The following DUS2 variants were observed in gnomAD, a reference collection of about 807,000 sequenced individuals.
The protein encoded by DUS2 is dihydrouridine synthase 2, also known as tRNA-dihydrouridine(20) synthase [NAD(P)+]-like.
In DUS2, 52 loss-of-function variants were observed where a neutral mutation model predicts 71.3. The ratio of observed to expected loss-of-function variants is 0.73; its 90% CI spans 0.58 to 0.92. DUS2 has a LOEUF of 0.92. Ranked by LOEUF, DUS2 falls within the 40% of genes least tolerant of loss-of-function variation. The pLI, the probability that DUS2 is intolerant of heterozygous loss-of-function variation, is 0.00. For missense variants in DUS2, 558 were observed against 622.6 expected, an observed-to-expected ratio of 0.90 and a Z score of 1.10; for synonymous variants, 204 against 227.8, an observed-to-expected ratio of 0.90 and a Z score of 0.94.
At chr16:68,054,508 G>T (rs1313273803) in intron 5 of DUS2, 66 bp from the exon 6 acceptor site, 123 of 1,551,718 alleles carry the variant, frequency 7.9e-5, no homozygotes, top group Non-Finnish European at 1.0e-4. Context: ...TGCTGCATGG[G>T]TGTGTTTGTC....
At chr16:68,046,477 C>T (rs766572919) in intron 3 of DUS2, among the ~76,000 whole-genome samples, 5 of 151,956 alleles carry the variant, frequency 3.3e-5, no homozygotes, top group Non-Finnish European at 7.4e-5. Context: ...CTCCCAGGTT[C>T]AAGCGATTCT....
intron 12 of DUS2, among the ~76,000 whole-genome samples, chr16:68,072,207 C>T (rs903249059): frequency 2.0e-5 from 3 of 152,210 alleles, no homozygotes; most frequent in Non-Finnish European, 2.9e-5. Context: ...CTGAGGTCTG[C>T]GTCCAGAGCT....
chr16:68,032,370 G>A (rs1021918668), intron 2 of DUS2, among the ~76,000 whole-genome samples: 1 of 152,192 alleles, frequency 6.6e-6, no homozygotes, highest in Non-Finnish European at 1.5e-5. Flanking sequence ...CCACACTCCT[G>A]TTCTTGTAGA....
At chr16:68,023,520 G>A in intron 1 of DUS2, 169 bp downstream of exon 1, 2 of 387,794 alleles carry the variant, frequency 5.2e-6, no homozygotes, top group Non-Finnish European at 9.8e-6. Context: ...TGGTTCCTGG[G>A]ATTCTCTTTA....
At chr16:68,038,338 C>G (rs1235167395) in intron 3 of DUS2, among the ~76,000 whole-genome samples, 189 bp downstream of exon 3, 1 of 152,108 alleles carries the variant, frequency 6.6e-6, no homozygotes, top group African/African-American at 2.4e-5. Flanking sequence ...GTCCAGGAGC[C>G]TGGTAGCACA....
intron 2 of DUS2, among the ~76,000 whole-genome samples, chr16:68,028,639 AAAAC>A (rs1015565794): frequency 1.3e-5 from 2 of 152,264 alleles, no homozygotes; most frequent in Admixed American, 6.5e-5. Flanking sequence ...ACTCCGTCTC[AAAAC>A]AAACAAACAA....
chr16:68,073,292 A>G (rs941749831), intron 12 of DUS2, among the ~76,000 whole-genome samples: 1 of 152,074 alleles, frequency 6.6e-6, no homozygotes, highest in African/African-American at 2.4e-5. Context: ...TTTTAATTTT[A>G]GATAGGGTCT....
chr16:68,063,030 T>TATCCTCCAG (rs2033961588), intron 8 of DUS2, among the ~76,000 whole-genome samples: 1 of 152,228 alleles, frequency 6.6e-6, no homozygotes, highest in African/African-American at 2.4e-5. Flanking sequence ...GCATTTTTGT[T>TATCCTCCAG]ATCCTCCAGC....
At chr16:68,060,263 A>G (rs1189565060) in intron 7 of DUS2, among the ~76,000 whole-genome samples, 1 of 151,954 alleles carries the variant, frequency 6.6e-6, no homozygotes, top group Non-Finnish European at 1.5e-5. Flanking sequence ...TATATAGCCC[A>G]CTCTAGATAG....
chr16:68,051,835 C>T (rs182181790), intron 4 of DUS2, among the ~76,000 whole-genome samples: 2 of 152,226 alleles, frequency 1.3e-5, no homozygotes, highest in African/African-American at 4.8e-5. Context: ...GTCCCATGAC[C>T]GTTTTCTTGT....
intron 12 of DUS2, among the ~76,000 whole-genome samples, chr16:68,071,899 G>A (rs2034092264): frequency 6.6e-6 from 1 of 152,162 alleles, no homozygotes; most frequent in African/African-American, 2.4e-5. Flanking sequence ...AGAGGTTGAT[G>A]GTAGTGCCAA....
chr16:68,042,644 G>A (rs2033647485), intron 3 of DUS2, among the ~76,000 whole-genome samples: 1 of 151,266 alleles, frequency 6.6e-6, no homozygotes, highest in South Asian at 2.1e-4. Context: ...TGAGTAGCTG[G>A]GACTACAGGC....
intron 8 of DUS2, among the ~76,000 whole-genome samples, chr16:68,061,547 GTC>G (rs2033940957): frequency 6.6e-6 from 1 of 152,178 alleles, no homozygotes; most frequent in Non-Finnish European, 1.5e-5. Context: ...GGTCCCCTAT[GTC>G]CTGAAAGAGT....
chr16:68,076,775 C>A, intron 15 of DUS2, 56 bp downstream of exon 15: 1 of 1,471,412 alleles, frequency 6.8e-7, no homozygotes, highest in Non-Finnish European at 9.5e-7. Flanking sequence ...CCATGGCTTA[C>A]ACCCTCAACT....
intron 12 of DUS2, 124 bp from the exon 13 acceptor site, chr16:68,073,910 G>A (rs895939618): frequency 8.3e-6 from 10 of 1,212,012 alleles, no homozygotes; most frequent in African/African-American, 1.5e-5. Flanking sequence ...TTCTTATGGG[G>A]GTCACATTGC....
chr16:68,073,759 T>G (rs942710572), intron 12 of DUS2, among the ~76,000 whole-genome samples: 1 of 151,940 alleles, frequency 6.6e-6, no homozygotes, highest in Non-Finnish European at 1.5e-5. Context: ...GATAATTTTC[T>G]TTTTTTTAAT....
chr16:68,071,161 C>G, intron 12 of DUS2, 53 bp downstream of exon 12: 1 of 1,588,856 alleles, frequency 6.3e-7, no homozygotes, highest in Admixed American at 1.7e-5. Flanking sequence ...TACCACACTC[C>G]TGCAGAGAGC....
intron 4 of DUS2, 129 bp from the exon 5 acceptor site, chr16:68,053,435 G>T: frequency 1.3e-6 from 1 of 796,486 alleles, no homozygotes. Context: ...TTTTTGGTAA[G>T]AATGGTATAC....
At chr16:68,055,159 GT>G (rs750686141) in intron 6 of DUS2, among the ~76,000 whole-genome samples, 2 of 152,218 alleles carry the variant, frequency 1.3e-5, no homozygotes, top group East Asian at 1.9e-4. Context: ...GGGGGGAGCT[GT>G]TTTTTTGTAT....
Sources: gnomAD v4.1 joint callset for allele counts (sites outside exome capture counted in the v4.1 genomes callset) on GRCh38, gnomAD v4.1.1 for gene constraint, MANE v1.5 for transcripts, NCBI Gene and HGNC (gene_info 2026-07-23, HGNC 2026-07-21) for gene names.